RIMS1: variants seen among roughly 807,000 people sequenced by gnomAD.
RIMS1 encodes regulating synaptic membrane exocytosis protein 1.
A neutral mutation model predicts 214.1 loss-of-function variants in RIMS1; 83 were observed. The observed-to-expected ratio is 0.39, with a 90% confidence interval of 0.32 to 0.47. The LOEUF (loss-of-function observed/expected upper bound fraction) is 0.47. Ranked by LOEUF, RIMS1 falls within the 20% of genes least tolerant of loss-of-function variation. The pLI is 0.99. For missense variants in RIMS1, 2,050 were observed against 2,161.8 expected (o/e 0.95, Z 1.03); for synonymous variants, 793 against 786.8 (o/e 1.01, Z -0.13).
intron 4 of RIMS1, among the ~76,000 whole-genome samples, chr6:72,146,080 G>T (rs2042708879): frequency 6.6e-6 from 1 of 152,182 alleles, no homozygotes; most frequent in African/African-American, 2.4e-5. Context: ...AGTAAAAAAT[G>T]ATTACTTCAG....
intron 2 of RIMS1, among the ~76,000 whole-genome samples, chr6:72,018,067 A>G (rs2151917540): frequency 6.6e-6 from 1 of 152,302 alleles, no homozygotes; most frequent in South Asian, 2.1e-4. Flanking sequence ...GATCTGAGGT[A>G]CCTTTGAACC....
At chr6:72,185,241 T>TA (rs1042499977) in intron 6 of RIMS1, among the ~76,000 whole-genome samples, 3 of 151,978 alleles carry the variant, frequency 2.0e-5, no homozygotes, top group Non-Finnish European at 4.4e-5. Flanking sequence ...AGAACCCCGA[T>TA]AAATAGAATA....
At chr6:72,170,360 T>C (rs1446814087) in intron 4 of RIMS1, among the ~76,000 whole-genome samples, 3 of 152,228 alleles carry the variant, frequency 2.0e-5, no homozygotes, top group Non-Finnish European at 4.4e-5. Context: ...TTTTCTTTTT[T>C]TGAGTCAGAG....
At chr6:72,348,669 C>G (rs1343866413) in intron 29 of RIMS1, among the ~76,000 whole-genome samples, 1 of 151,430 alleles carries the variant, frequency 6.6e-6, no homozygotes, top group African/African-American at 2.4e-5. Context: ...TCTAGTGTAC[C>G]CATCACCCAA....
chr6:72,321,187 A>G (rs2096138635), intron 28 of RIMS1, among the ~76,000 whole-genome samples: 1 of 152,086 alleles, frequency 6.6e-6, no homozygotes, highest in African/African-American at 2.4e-5. Flanking sequence ...CACTAATACA[A>G]CAAATTAGTT....
intron 2 of RIMS1, among the ~76,000 whole-genome samples, chr6:72,049,834 G>T (rs1489600845): frequency 6.6e-6 from 1 of 151,880 alleles, no homozygotes; most frequent in Admixed American, 6.6e-5. Context: ...AATATTTTCA[G>T]TTTTTTTCAG....
At chr6:72,115,886 T>C (rs2036977061) in intron 4 of RIMS1, among the ~76,000 whole-genome samples, 2 of 152,004 alleles carry the variant, frequency 1.3e-5, no homozygotes, top group African/African-American at 4.8e-5. Context: ...CTTTAAAATA[T>C]TTCATTCTAA....
At chr6:72,117,887 C>T (rs887813243) in intron 4 of RIMS1, among the ~76,000 whole-genome samples, 3 of 151,838 alleles carry the variant, frequency 2.0e-5, no homozygotes, top group African/African-American at 7.3e-5. Flanking sequence ...CAAGAATAAA[C>T]TCAACCCAAA....
Position 72,122,114 on chromosome 6 carries a change from T to C in RIMS1, c.471+22128T>C, listed in dbSNP as rs192096865. On this transcript the variant is annotated intron_variant, in intron 4 of 33. Transcript: ENST00000521978. The stretch of plus-strand genomic sequence containing the variant: ...CATCAGGGATATTTGTCTAAAATTC[T>C]CTTTTTTTTGTTGTGTCTCTGCCAG... Among the ~76,000 whole-genome samples the C allele has an allele frequency of 4.4e-3, 664 of 151,964 alleles. 9 individuals carry two copies. Among genetic ancestry groups the C allele is most frequent in the African/African-American group, 0.016 (648 of 41,538 alleles).
At chr6:71,978,465 A>G (rs1254010512) in intron 2 of RIMS1, among the ~76,000 whole-genome samples, 2 of 152,076 alleles carry the variant, frequency 1.3e-5, no homozygotes, top group African/African-American at 4.8e-5. Flanking sequence ...AGAAGATTCA[A>G]TAATTTTCTA....
At chr6:71,977,059 G>A (rs150063824) in intron 2 of RIMS1, among the ~76,000 whole-genome samples, 302 of 152,144 alleles carry the variant, frequency 2.0e-3, no homozygotes, top group Non-Finnish European at 3.1e-3. Context: ...CTACAATAGC[G>A]GATGGCAGAA....
chr6:72,101,752 TA>T (rs2033638561), intron 4 of RIMS1, among the ~76,000 whole-genome samples: 1 of 151,948 alleles, frequency 6.6e-6, no homozygotes, highest in Non-Finnish European at 1.5e-5. Flanking sequence ...TAAGAATAGC[TA>T]ATTTATAAAT....
chr6:72,343,268 T>C (rs1385514938), intron 29 of RIMS1, among the ~76,000 whole-genome samples: 2 of 151,762 alleles, frequency 1.3e-5, no homozygotes, highest in African/African-American at 4.8e-5. Context: ...TCTTTAAGAC[T>C]TAGAGAAAAT....
chr6:71,890,587 A>C (rs56351343), intron 1 of RIMS1, among the ~76,000 whole-genome samples: 10 of 97,154 alleles, frequency 1.0e-4, no homozygotes, highest in South Asian at 3.5e-4. Context: ...AAAAAAAAAA[A>C]AAAAAAAAAA....
At chr6:72,368,545 C>T (rs1191924393) in intron 29 of RIMS1, among the ~76,000 whole-genome samples, 4 of 151,644 alleles carry the variant, frequency 2.6e-5, no homozygotes, top group African/African-American at 9.7e-5. Flanking sequence ...CCACCCGCCT[C>T]GGCCTCCACT....
chr6:72,311,734 G>T (rs1337851237), intron 27 of RIMS1, among the ~76,000 whole-genome samples: 1 of 152,146 alleles, frequency 6.6e-6, no homozygotes, highest in Non-Finnish European at 1.5e-5. Flanking sequence ...ATTTAGGGAG[G>T]CCGAGGTGGG....
chr6:71,970,129 GA>G (rs1795491815), intron 2 of RIMS1, among the ~76,000 whole-genome samples: 1 of 152,116 alleles, frequency 6.6e-6, no homozygotes, highest in Admixed American at 6.6e-5. Flanking sequence ...AAGTATACTT[GA>G]ATATCATCTT....
intron 2 of RIMS1, among the ~76,000 whole-genome samples, chr6:72,014,578 A>G (rs550528114): frequency 1.8e-4 from 28 of 152,272 alleles, no homozygotes; most frequent in Non-Finnish European, 3.1e-4. Flanking sequence ...ACATTCATGT[A>G]TAGGTTTTTG....
At chr6:72,138,533 A>G (rs2041669211) in intron 4 of RIMS1, among the ~76,000 whole-genome samples, 1 of 152,212 alleles carries the variant, frequency 6.6e-6, no homozygotes, top group Non-Finnish European at 1.5e-5. Flanking sequence ...ATACGTTTGT[A>G]TGAACAGGAG....
Sources: gnomAD v4.1 joint callset for allele counts (sites outside exome capture counted in the v4.1 genomes callset) on GRCh38, gnomAD v4.1.1 for gene constraint, MANE v1.5 for transcripts, NCBI Gene and HGNC (gene_info 2026-07-23, HGNC 2026-07-21) for gene names.